The following WDR7 variants were observed in gnomAD, a reference collection of about 807,000 sequenced individuals.
WDR7 encodes the protein WD repeat-containing protein 7.
Under a neutral mutation model 169.4 loss-of-function variants are expected in WDR7, and 46 were observed. That is an observed-to-expected ratio of 0.27 (90% CI 0.21 to 0.35). WDR7 has a LOEUF of 0.35. WDR7 is among the 10% of genes least tolerant of loss of function. WDR7 has a pLI of 1.00. For missense variants in WDR7, 1,534 were observed against 1,859.3 expected, an observed-to-expected ratio of 0.83 and a Z score of 3.22; for synonymous variants, 612 against 666.8, an observed-to-expected ratio of 0.92 and a Z score of 1.27.
At chr18:56,658,117 T>C (rs2024818798) in intron 1 of WDR7, among the ~76,000 whole-genome samples, 1 of 152,144 alleles carries the variant, frequency 6.6e-6, no homozygotes, top group Non-Finnish European at 1.5e-5. Context: ...TTTTGTTTTG[T>C]TTTTGACACA....
intron 13 of WDR7, among the ~76,000 whole-genome samples, chr18:56,722,762 C>T (rs1442462689): frequency 6.6e-6 from 1 of 152,080 alleles, no homozygotes; most frequent in East Asian, 1.9e-4. Flanking sequence ...CTCACAACCC[C>T]TCCATGCAAT....
chr18:56,936,285 C>G (rs2046959706), intron 23 of WDR7: 1 of 164,740 alleles, frequency 6.1e-6, no homozygotes, highest in African/African-American at 2.4e-5. Context: ...GGCTCTCTAA[C>G]TGTAAACGAA....
At chr18:57,034,321 A>T (rs2048456228), downstream of WDR7, 1 of 152,264 alleles carries the variant, frequency 6.6e-6, no homozygotes, top group African/African-American at 2.4e-5. Flanking sequence ...GCTTCACTGA[A>T]CTGCATCCCA....
intron 25 of WDR7, among the ~76,000 whole-genome samples, chr18:56,943,603 A>T (rs529241341): frequency 6.6e-6 from 1 of 152,346 alleles, no homozygotes; most frequent in South Asian, 2.1e-4. Context: ...TCCAAAATGT[A>T]TACAAAATAT....
At chr18:56,686,794 G>A in intron 6 of WDR7, 61 bp from the exon 7 acceptor site, 4 of 1,357,814 alleles carry the variant, frequency 2.9e-6, no homozygotes, top group South Asian at 2.5e-5. Context: ...CTTTATCATT[G>A]TGTGATAATT....
intron 20 of WDR7, among the ~76,000 whole-genome samples, chr18:56,821,315 G>C (rs886589466): frequency 1.3e-5 from 2 of 152,164 alleles, no homozygotes; most frequent in Non-Finnish European, 2.9e-5. Flanking sequence ...TTACACATGA[G>C]CCTTATGAAA....
At chr18:57,021,318 C>T (rs1176911812) in intron 27 of WDR7, among the ~76,000 whole-genome samples, 2 of 152,126 alleles carry the variant, frequency 1.3e-5, no homozygotes, top group African/African-American at 2.4e-5. Flanking sequence ...TGAGAGGAAT[C>T]GGGCAGGAGA....
intron 25 of WDR7, among the ~76,000 whole-genome samples, chr18:56,959,652 C>G (rs1397336653): frequency 6.6e-6 from 1 of 152,148 alleles, no homozygotes; most frequent in Non-Finnish European, 1.5e-5. Flanking sequence ...TACTCTGAAA[C>G]CCCCAAATTT....
intron 25 of WDR7, among the ~76,000 whole-genome samples, chr18:56,952,000 T>C (rs1260413265): frequency 1.3e-5 from 2 of 152,366 alleles, no homozygotes; most frequent in Non-Finnish European, 2.9e-5. Context: ...AAATGATGTT[T>C]GCCAACCTCT....
intron 21 of WDR7, among the ~76,000 whole-genome samples, chr18:56,912,410 T>C (rs977709572): frequency 6.6e-6 from 1 of 152,248 alleles, no homozygotes; most frequent in Non-Finnish European, 1.5e-5. Context: ...TTGAGCTCAC[T>C]GCACCAAATT....
chr18:56,998,272 C>A (rs1322344927), intron 26 of WDR7, among the ~76,000 whole-genome samples: 1 of 152,182 alleles, frequency 6.6e-6, no homozygotes, highest in Non-Finnish European at 1.5e-5. Context: ...GGGAGCTGTG[C>A]TCGTTCCCCA....
chr18:56,850,407 A>G (rs866771727), intron 20 of WDR7, among the ~76,000 whole-genome samples: 6 of 152,218 alleles, frequency 3.9e-5, no homozygotes, highest in African/African-American at 1.4e-4. Context: ...TAGATGATTG[A>G]ATAAATTGAT....
intron 16 of WDR7, among the ~76,000 whole-genome samples, chr18:56,766,481 T>G (rs1490499093): frequency 6.6e-6 from 1 of 152,194 alleles, no homozygotes; most frequent in African/African-American, 2.4e-5. Context: ...CATTGCAATG[T>G]CTTCAAGTTT....
chr18:56,821,804 A>G (rs1225474721), intron 20 of WDR7, among the ~76,000 whole-genome samples: 1 of 151,636 alleles, frequency 6.6e-6, no homozygotes, highest in Non-Finnish European at 1.5e-5. Context: ...AGACTATCCT[A>G]CACAACAGGG....
At chr18:56,789,364 T>A (rs558376383) in intron 19 of WDR7, among the ~76,000 whole-genome samples, 1 of 152,262 alleles carries the variant, frequency 6.6e-6, no homozygotes, top group Non-Finnish European at 1.5e-5. Flanking sequence ...TTCCCTGTTA[T>A]CAAGTTAATT....
intron 12 of WDR7, among the ~76,000 whole-genome samples, chr18:56,701,424 C>G (rs1018282422): frequency 1.3e-5 from 2 of 152,110 alleles, no homozygotes; most frequent in African/African-American, 4.8e-5. Context: ...TGAAATAAAG[C>G]TGTTCACAGT....
chr18:56,932,635 G>T (rs1304952443), intron 22 of WDR7, among the ~76,000 whole-genome samples: 2 of 152,140 alleles, frequency 1.3e-5, no homozygotes, highest in South Asian at 2.1e-4. Flanking sequence ...AGAGGAGCCG[G>T]CAGGGCTAGT....
At chr18:57,033,663 G>A (rs893168), downstream of WDR7, 76,759 of 150,424 alleles carry the variant, frequency 0.51, 21,831 homozygotes, top group South Asian at 0.65. Context: ...TGAATGCCTG[G>A]CACAGTGCAC....
At chr18:56,693,273 A>G (rs980082912) in intron 9 of WDR7, among the ~76,000 whole-genome samples, 2 of 152,124 alleles carry the variant, frequency 1.3e-5, no homozygotes, top group Non-Finnish European at 2.9e-5. Flanking sequence ...TTAATATTCC[A>G]GTATTTGTGA....
Sources: gnomAD v4.1 joint callset for allele counts (sites outside exome capture counted in the v4.1 genomes callset) on GRCh38, gnomAD v4.1.1 for gene constraint, MANE v1.5 for transcripts, NCBI Gene and HGNC (gene_info 2026-07-23, HGNC 2026-07-21) for gene names.